Variants in PIK3CD observed in about 807,000 individuals in gnomAD.
The protein encoded by PIK3CD is phosphatidylinositol-4,5-bisphosphate 3-kinase catalytic subunit delta, also known as phosphatidylinositol 4,5-bisphosphate 3-kinase catalytic subunit delta isoform.
Under a neutral mutation model 122.9 loss-of-function variants are expected in PIK3CD, and 20 were observed. The ratio of observed to expected loss-of-function variants is 0.16; its 90% CI spans 0.11 to 0.24. The LOEUF (loss-of-function observed/expected upper bound fraction) is 0.24. Ranked by LOEUF, PIK3CD falls within the 10% of genes least tolerant of loss-of-function variation. The pLI, the probability that PIK3CD is intolerant of heterozygous loss-of-function variation, is 1.00. For missense variants in PIK3CD, 787 were observed against 1,406.3 expected (o/e 0.56, Z 7.04); for synonymous variants, 596 against 593.4 (o/e 1.00, Z -0.06).
intron 3 of PIK3CD, among the ~76,000 whole-genome samples, chr1:9,714,620 G>A (rs1647201087): frequency 6.6e-6 from 1 of 152,144 alleles, no homozygotes; most frequent in South Asian, 2.1e-4. Context: ...ACATAGAGCT[G>A]CTTGACAGTC....
intron 1 of PIK3CD, among the ~76,000 whole-genome samples, chr1:9,673,983 C>T (rs1324200697): frequency 1.3e-5 from 2 of 152,130 alleles, no homozygotes; most frequent in Admixed American, 6.6e-5. Flanking sequence ...AAGGAAGGCT[C>T]GACTCCATGG....
intron 1 of PIK3CD, among the ~76,000 whole-genome samples, chr1:9,683,851 G>A (rs1347072529): frequency 1.3e-5 from 2 of 152,100 alleles, no homozygotes; most frequent in African/African-American, 4.8e-5. Context: ...TTGAACAGGT[G>A]GGGTCTGGAA....
At chr1:9,640,946 G>A in the PIK3CD span, among the ~76,000 whole-genome samples, 5 of 152,156 alleles carry the variant, frequency 3.3e-5, no homozygotes, top group South Asian at 2.1e-4. Context: ...AGACCCACGC[G>A]GCTTCTCCTC....
rs759489536 is a variant in PIK3CD, at chr1:9,717,131, C to A, written c.930+23C>A. On this transcript the variant is annotated intron_variant, in intron 7 of 23. Transcript: ENST00000377346. The surrounding 1 kb of genome is among the most constrained non-coding windows in gnomAD (Gnocchi z 5.4). ...AAGGTGAGATGGCGCCTTCCGCCTC[C>A]CCTCTGAGCCACCCCTTCTTTCCAC... 6.2e-7 allele frequency: 1 copy of A among 1,613,508 alleles called. No individual in the cohort carries two copies. The highest frequency in any genetic ancestry group is 8.5e-7 in the Non-Finnish European group (1 of 1,179,928).
intron 1 of PIK3CD, among the ~76,000 whole-genome samples, chr1:9,664,464 A>T (rs992686240): frequency 2.0e-5 from 3 of 152,126 alleles, no homozygotes; most frequent in Non-Finnish European, 4.4e-5. Context: ...CCACAAGGGG[A>T]GGGTGAACTG....
At position 9,720,595 on chromosome 1, in the gene PIK3CD, C is replaced by T. The variant is rs1344468187; in HGVS notation, c.1471-16C>T. On this transcript the variant is annotated splice_polypyrimidine_tract_variant and intron_variant, in intron 11 of 23. Transcript: ENST00000377346. The surrounding 1 kb of genome is among the most constrained non-coding windows in gnomAD (Gnocchi z 9.0). ...TCCAGGCCCCTGGGGACGCTGAGTG[C>T]AGCCGTTTGTTGCAGATCTTGGAGC... 6.5e-7 allele frequency: 1 copy of T among 1,547,890 alleles called. No homozygotes were observed. The highest frequency in any genetic ancestry group is 8.7e-7 in the Non-Finnish European group (1 of 1,146,714).
At chr1:9,629,523 A>G in the PIK3CD span, among the ~76,000 whole-genome samples, 1 of 147,920 alleles carries the variant, frequency 6.8e-6, no homozygotes. Context: ...AATAGAAATC[A>G]AAGCCTGAGA....
chr1:9,691,755 G>A (rs1646205252), intron 2 of PIK3CD, 184 bp downstream of exon 2: 2 of 382,752 alleles, frequency 5.2e-6, no homozygotes, highest in Non-Finnish European at 9.2e-6. Context: ...GAATGAATGG[G>A]GAAGTGAACT....
At chr1:9,640,750 G>A in the PIK3CD span, among the ~76,000 whole-genome samples, 11 of 152,108 alleles carry the variant, frequency 7.2e-5, 1 homozygote, top group Admixed American at 2.6e-4. Context: ...GCCACTCCCC[G>A]GCTCAGCCTG....
intron 1 of PIK3CD, among the ~76,000 whole-genome samples, chr1:9,677,298 G>A (rs1206694261): frequency 6.6e-6 from 1 of 152,168 alleles, no homozygotes; most frequent in Non-Finnish European, 1.5e-5. Flanking sequence ...GGTCAGGACA[G>A]AAGAAGGAAA....
At chr1:9,694,189 A>G (rs932130856) in intron 2 of PIK3CD, among the ~76,000 whole-genome samples, 4 of 152,100 alleles carry the variant, frequency 2.6e-5, no homozygotes, top group African/African-American at 9.7e-5. Context: ...GACTGATCTC[A>G]CGAGAAAAAT....
intron 1 of PIK3CD, 34 bp from the exon 2 acceptor site, chr1:9,691,433 T>TTTTC (rs574615710): frequency 3.9e-4 from 156 of 397,272 alleles, no homozygotes; most frequent in African/African-American, 1.9e-3. Flanking sequence ...GTTAAAATAG[T>TTTTC]TTTCTTTCTT....
intron 1 of PIK3CD, among the ~76,000 whole-genome samples, chr1:9,682,370 C>G (rs905361405): frequency 2.0e-5 from 3 of 152,084 alleles, no homozygotes; most frequent in African/African-American, 7.2e-5. Context: ...TCCTGAGTAG[C>G]TGGGATTACA....
At chr1:9,663,350 T>C (rs1645064245) in intron 1 of PIK3CD, among the ~76,000 whole-genome samples, 1 of 152,102 alleles carries the variant, frequency 6.6e-6, no homozygotes, top group South Asian at 2.1e-4. Context: ...TTCCTGGCAT[T>C]ATGTGCCCGA....
In PIK3CD at chr1:9,710,513, G is replaced by A. The variant is rs143116020; in HGVS notation, c.58G>A (p.Val20Ile). The part of the protein sequence containing the change: ...EFWTKEENQS[V>I]VVDFLLPTGV... Reference sequence around the variant, plus strand: ...CTGGACCAAGGAGGAGAATCAGAGCGTTGTGGTTGACTTCCTGCTGCCCAC... The same window carrying A: ...CTGGACCAAGGAGGAGAATCAGAGCATTGTGGTTGACTTCCTGCTGCCCAC... The change falls in exon 3 of 24, where the codon GTT (valine) becomes ATT (isoleucine). Residue 20 changes from valine (V) to isoleucine (I), a missense_variant. By Grantham distance (29) the Val-to-Ile change is conservative. Around this residue, in one of 6 missense-constraint regions of PIK3CD, gnomAD observed 592 missense variants for 920.6 expected, o/e 0.64. Coordinates refer to ENST00000377346, the MANE Select transcript of PIK3CD (RefSeq NM_005026.5). The surrounding 1 kb of genome is among the most constrained non-coding windows in gnomAD (Gnocchi z 4.7). The A allele has an allele frequency of 1.1e-4, 171 of 1,614,106 alleles. No homozygotes were observed. Among genetic ancestry groups the A allele is most frequent in the Non-Finnish European group, 1.3e-4 (156 of 1,179,964 alleles).
chr1:9,710,206 A>C lies in PIK3CD; in HGVS notation c.-32-218A>C. ...AGGACATGCAGTGTCTGCCTGGGAGAAGAGGCAGCTGAGGCCGTGGCCCGG... is the reference window on the plus strand; with the variant it reads ...AGGACATGCAGTGTCTGCCTGGGAGCAGAGGCAGCTGAGGCCGTGGCCCGG... On this transcript the variant is annotated intron_variant, in intron 2 of 23. Transcript: ENST00000377346. This position sits in a 1 kb window ranked among gnomAD's most constrained non-coding sequence, Gnocchi z 4.7. 2 of 529,850 alleles carry C rather than the reference A, an allele frequency of 3.8e-6. No individual in the cohort carries two copies. Among genetic ancestry groups the C allele is most frequent in the South Asian group, 3.9e-5 (2 of 51,228 alleles). 32.8% of individuals were successfully genotyped at this position (529,850 alleles called of 1,614,324 possible).
chr1:9,724,778 T>A lies in PIK3CD; in HGVS notation c.2865-26T>A. 6.2e-7 allele frequency: 1 copy of A among 1,611,926 alleles called. No homozygotes were observed. Among genetic ancestry groups the A allele is most frequent in the Non-Finnish European group, 8.5e-7 (1 of 1,180,012 alleles). On this transcript the variant is annotated intron_variant, in intron 22 of 23. Transcript: ENST00000377346. The surrounding 1 kb of genome is among the most constrained non-coding windows in gnomAD (Gnocchi z 7.3). The stretch of plus-strand genomic sequence containing the variant: ...CCTGTGGCTGGGAGTTCCCAGAGCC[T>A]CACTTCCTCTGTCCCCTACCTGCAG...
In PIK3CD at chr1:9,716,997, C is replaced by T; in HGVS notation, c.819C>T (p.His273=). ...GCCTGCACAGTGGGTTGACCCCTCA[C>T]CTGACCATGGTCCATTCCTCCTCCA... The part of the protein sequence containing the change: ...CSCLHSGLTP[H]LTMVHSSSIL... The change falls in exon 7 of 24, where the codon CAC becomes CAT. Residue 273 remains histidine (H), a synonymous_variant. Coordinates refer to ENST00000377346, the MANE Select transcript of PIK3CD (RefSeq NM_005026.5). The T allele has an allele frequency of 6.2e-7, 1 of 1,613,914 alleles. No individual in the cohort carries two copies.
upstream of PIK3CD, among the ~76,000 whole-genome samples, chr1:9,651,378 C>T (rs1470609099): frequency 6.6e-6 from 1 of 152,196 alleles, no homozygotes. Context: ...GCAGGTTACC[C>T]CCTCTTCTTC....
Sources: allele counts gnomAD v4.1 joint callset (sites outside exome capture counted in the v4.1 genomes callset), GRCh38; gene constraint gnomAD v4.1.1; regional missense constraint gnomAD v4.1.1; non-coding constraint Gnocchi (gnomAD v3.1); transcripts MANE v1.5; gene names NCBI Gene and HGNC (gene_info 2026-07-23, HGNC 2026-07-21).